GALNT17: variants seen among roughly 807,000 people sequenced by gnomAD.
The protein encoded by GALNT17 is polypeptide N-acetylgalactosaminyltransferase 17, also known as UDP-GalNAc:polypeptide N-acetylgalactosaminyltransferase-like 3.
In GALNT17, 29 loss-of-function variants were observed where a neutral mutation model predicts 63.7. The ratio of observed to expected loss-of-function variants is 0.46; its 90% CI spans 0.34 to 0.62. The LOEUF is 0.62. Ranked by LOEUF, GALNT17 falls within the 20% of genes least tolerant of loss-of-function variation. The pLI, the probability that GALNT17 is intolerant of heterozygous loss-of-function variation, is 0.01. For synonymous variants in GALNT17, 305 were observed against 318.3 expected (o/e 0.96, Z 0.45); for missense variants, 603 against 799.6 (o/e 0.75, Z 2.97).
chr7:71,269,687 G>A (rs1168296543), intron 1 of GALNT17, among the ~76,000 whole-genome samples: 5 of 152,196 alleles, frequency 3.3e-5, no homozygotes, highest in African/African-American at 1.2e-4. Flanking sequence ...TTCACAGGAG[G>A]CTGTGCCACA....
At chr7:71,265,346 C>T (rs1034072638) in intron 1 of GALNT17, among the ~76,000 whole-genome samples, 2 of 151,296 alleles carry the variant, frequency 1.3e-5, no homozygotes, top group African/African-American at 4.9e-5. Flanking sequence ...AGGCTGCTCT[C>T]GAACTCCTGA....
chr7:71,667,070 C>T (rs1038386054), intron 7 of GALNT17, among the ~76,000 whole-genome samples: 1 of 152,196 alleles, frequency 6.6e-6, no homozygotes, highest in African/African-American at 2.4e-5. Flanking sequence ...TAACCTGCAC[C>T]CTCAGCCACA....
chr7:71,271,234 G>A (rs1319828916), intron 1 of GALNT17, among the ~76,000 whole-genome samples: 1 of 152,182 alleles, frequency 6.6e-6, no homozygotes, highest in Non-Finnish European at 1.5e-5. Context: ...CCCATAGTTA[G>A]GGCCATATCC....
intron 6 of GALNT17, among the ~76,000 whole-genome samples, chr7:71,587,980 A>G (rs1476288929): frequency 1.3e-5 from 2 of 152,204 alleles, no homozygotes; most frequent in Admixed American, 1.3e-4. Context: ...CTTGTTATTT[A>G]CTGTCCTAGA....
intron 1 of GALNT17, among the ~76,000 whole-genome samples, chr7:71,185,755 C>G (rs1259962145): frequency 6.6e-6 from 1 of 152,154 alleles, no homozygotes; most frequent in Non-Finnish European, 1.5e-5. Flanking sequence ...GATCCGCCCA[C>G]CTCGGCCTAC....
At chr7:71,608,804 G>A (rs1790083261) in intron 6 of GALNT17, among the ~76,000 whole-genome samples, 1 of 151,974 alleles carries the variant, frequency 6.6e-6, no homozygotes, top group African/African-American at 2.4e-5. Context: ...TTAGAAATGG[G>A]GTCTTGCTCT....
At chr7:71,633,651 G>A (rs1189921968) in intron 6 of GALNT17, among the ~76,000 whole-genome samples, 2 of 151,928 alleles carry the variant, frequency 1.3e-5, no homozygotes, top group African/African-American at 4.8e-5. Context: ...GAGGATCCTC[G>A]CAGCATTTGT....
intron 5 of GALNT17, among the ~76,000 whole-genome samples, chr7:71,463,277 T>C (rs775874693): frequency 7.2e-5 from 11 of 152,132 alleles, no homozygotes; most frequent in Non-Finnish European, 1.5e-4. Context: ...TCAGAGACCT[T>C]ATATATAGAA....
intron 2 of GALNT17, among the ~76,000 whole-genome samples, chr7:71,377,114 A>AAAAATATATATATATATATATATATATAT: frequency 1.7e-5 from 1 of 57,486 alleles, no homozygotes; most frequent in Non-Finnish European, 3.0e-5. Flanking sequence ...AAATAAAAAA[A>AAAAATATATATATATATATATATATATAT]ATATATATAT....
At chr7:71,215,459 C>A (rs1402956055) in intron 1 of GALNT17, among the ~76,000 whole-genome samples, 1 of 152,102 alleles carries the variant, frequency 6.6e-6, no homozygotes. Context: ...AGATAATTTA[C>A]TGAATTTCTT....
chr7:71,191,002 G>A (rs950269087), intron 1 of GALNT17, among the ~76,000 whole-genome samples: 15 of 152,134 alleles, frequency 9.9e-5, no homozygotes, highest in African/African-American at 3.6e-4. Flanking sequence ...CGGTTCAGAG[G>A]TAAGATCCTG....
intron 6 of GALNT17, among the ~76,000 whole-genome samples, chr7:71,622,493 C>T (rs543691951): frequency 6.6e-6 from 1 of 152,302 alleles, no homozygotes; most frequent in Non-Finnish European, 1.5e-5. Flanking sequence ...TTCACTCTCA[C>T]TGGTGTCTCT....
chr7:71,520,865 A>AG (rs1348976150), intron 5 of GALNT17, among the ~76,000 whole-genome samples: 1 of 152,088 alleles, frequency 6.6e-6, no homozygotes, highest in East Asian at 1.9e-4. Context: ...CTAGGAGAGG[A>AG]GGGACAGGAG....
intron 9 of GALNT17, among the ~76,000 whole-genome samples, chr7:71,684,452 CAGGGTTTGAACAGTGCGGCATACA>C (rs1313565996): frequency 6.6e-6 from 1 of 152,166 alleles, no homozygotes; most frequent in Non-Finnish European, 1.5e-5. Context: ...ACCCGCAGCC[CAGGGTTTGAACAGTGCGGCATACA>C]ATGGACTCTG....
intron 2 of GALNT17, among the ~76,000 whole-genome samples, chr7:71,384,982 T>C (rs898149701): frequency 3.3e-5 from 5 of 152,110 alleles, no homozygotes; most frequent in African/African-American, 9.7e-5. Flanking sequence ...GACAACTGCC[T>C]TGTTAGAAGT....
chr7:71,400,081 C>T (rs1337344326), intron 3 of GALNT17, among the ~76,000 whole-genome samples: 1 of 152,082 alleles, frequency 6.6e-6, no homozygotes, highest in Non-Finnish European at 1.5e-5. Flanking sequence ...TTGCTGCACC[C>T]ATCAGTCCAT....
At chr7:71,133,170 T>G in intron 1 of GALNT17, 130 bp downstream of exon 1, 2 of 771,208 alleles carry the variant, frequency 2.6e-6, no homozygotes, top group Non-Finnish European at 3.9e-6. Flanking sequence ...CGCTCCTTCT[T>G]ACCCTTCCTG....
At chr7:71,606,605 G>A (rs112120865) in intron 6 of GALNT17, among the ~76,000 whole-genome samples, 5 of 152,202 alleles carry the variant, frequency 3.3e-5, no homozygotes, top group Non-Finnish European at 5.9e-5. Flanking sequence ...TTATCTCTTC[G>A]TGGGCCAGAT....
intron 1 of GALNT17, among the ~76,000 whole-genome samples, chr7:71,291,626 T>C (rs1461444025): frequency 6.6e-6 from 1 of 152,226 alleles, no homozygotes; most frequent in Non-Finnish European, 1.5e-5. Flanking sequence ...TTTGTTCTAA[T>C]TGGTTTTTGC....
Sources: allele counts gnomAD v4.1 joint callset (sites outside exome capture counted in the v4.1 genomes callset), GRCh38; gene constraint gnomAD v4.1.1; transcripts MANE v1.5; gene names NCBI Gene and HGNC (gene_info 2026-07-23, HGNC 2026-07-21).